The following RASSF5 variants were observed in gnomAD, a reference collection of about 807,000 sequenced individuals.
The protein encoded by RASSF5 is Ras association domain family member 5.
RASSF5 carries 25 observed loss-of-function variants against 40.5 expected under a neutral mutation model. The ratio of observed to expected loss-of-function variants is 0.62; its 90% CI spans 0.45 to 0.86. RASSF5 has a LOEUF of 0.86. RASSF5 is among the 40% of genes least tolerant of loss of function. The pLI is 0.00. For missense variants in RASSF5, 521 were observed against 572.8 expected (o/e 0.91, Z 0.92); for synonymous variants, 246 against 252.4 (o/e 0.97, Z 0.24).
chr1:206,511,071 A>G (rs763438902), intron 1 of RASSF5, among the ~76,000 whole-genome samples: 1 of 152,164 alleles, frequency 6.6e-6, no homozygotes, highest in East Asian at 1.9e-4. Flanking sequence ...TCTGTAACCA[A>G]CCTCTGGTTA....
chr1:206,516,685 C>G (rs989699774), intron 1 of RASSF5, among the ~76,000 whole-genome samples: 1 of 152,186 alleles, frequency 6.6e-6, no homozygotes, highest in African/African-American at 2.4e-5. Flanking sequence ...TCTCAATCTC[C>G]TGACCTTGTG....
Position 206,561,751 on chromosome 1 carries a change from T to C in RASSF5, c.580-21518T>C, listed in dbSNP as rs370835790. On this transcript the variant is annotated intron_variant, in intron 2 of 5. Coordinates refer to ENST00000579436, the MANE Select transcript of RASSF5 (RefSeq NM_182663.4). ...CGCGATCTCGGCTCACTGCAACCTC[T>C]GCCTCCCAGGTTCAAGCAATTCTCC... Among the ~76,000 whole-genome samples the C allele has an allele frequency of 3.1e-4, 47 of 149,406 alleles. 1 individual carries two copies. The East Asian group carries it at 7.1e-3, about 23-fold the overall frequency.
intron 1 of RASSF5, among the ~76,000 whole-genome samples, chr1:206,530,266 G>A (rs1667202573): frequency 6.6e-6 from 1 of 152,110 alleles, no homozygotes; most frequent in Admixed American, 6.5e-5. Context: ...TTATATCATT[G>A]AAATCATAAA....
intron 1 of RASSF5, among the ~76,000 whole-genome samples, chr1:206,537,653 T>C (rs1667450745): frequency 6.6e-6 from 1 of 152,212 alleles, no homozygotes; most frequent in Non-Finnish European, 1.5e-5. Context: ...CAGTGAGCAC[T>C]TCCTTAGAGT....
At chr1:206,549,021 G>A (rs1473868908) in intron 2 of RASSF5, among the ~76,000 whole-genome samples, 3 of 151,850 alleles carry the variant, frequency 2.0e-5, no homozygotes, top group Admixed American at 6.6e-5. Context: ...GCCTGCCAAC[G>A]CTCCCAGCTA....
Position 206,588,213 on chromosome 1 carries a change from A to G in RASSF5, c.*1235A>G, listed in dbSNP as rs1669204947. The G allele has an allele frequency of 6.5e-6, 1 of 152,814 alleles. No individual in the cohort carries two copies. Among genetic ancestry groups the G allele is most frequent in the South Asian group, 2.1e-4 (1 of 4,826 alleles). 9.5% of individuals were successfully genotyped at this position (152,814 alleles called of 1,614,324 possible). Reference sequence around the variant, plus strand: ...GGCTTCTCCTGCCAGGAAGTGAACAATGGCGGCGGTGTGGGAGACAAGGCC... The same window carrying G: ...GGCTTCTCCTGCCAGGAAGTGAACAGTGGCGGCGGTGTGGGAGACAAGGCC... On this transcript the variant is annotated 3_prime_UTR_variant, in exon 6 of 6. Coordinates refer to ENST00000579436, the MANE Select transcript of RASSF5 (RefSeq NM_182663.4).
At chr1:206,516,243 A>C (rs1201846636) in intron 1 of RASSF5, among the ~76,000 whole-genome samples, 1 of 152,200 alleles carries the variant, frequency 6.6e-6, no homozygotes, top group Non-Finnish European at 1.5e-5. Context: ...CCATCATTAC[A>C]GTAGAAAAAT....
chr1:206,585,556 A>C, intron 5 of RASSF5: 1 of 299,618 alleles, frequency 3.3e-6, no homozygotes. Context: ...TTATTTCTGA[A>C]AACTCAGGGA....
At chr1:206,557,140 G>A in intron 2 of RASSF5, 2 of 992,082 alleles carry the variant, frequency 2.0e-6, no homozygotes, top group Non-Finnish European at 2.4e-6. Flanking sequence ...CGGCTTTGAG[G>A]AACCTTGCAG....
At chr1:206,581,585 G>A (rs1668876174) in intron 2 of RASSF5, among the ~76,000 whole-genome samples, 1 of 150,850 alleles carries the variant, frequency 6.6e-6, no homozygotes, top group Admixed American at 6.6e-5. Flanking sequence ...GGTGACAGAG[G>A]GAGACGAAAG....
intron 2 of RASSF5, among the ~76,000 whole-genome samples, chr1:206,568,358 T>C (rs538041889): frequency 5.3e-5 from 8 of 152,140 alleles, no homozygotes; most frequent in Non-Finnish European, 1.0e-4. Context: ...TGTGGGCTGG[T>C]GAAGAGGCGC....
chr1:206,577,002 G>T (rs1333425122), intron 2 of RASSF5, among the ~76,000 whole-genome samples: 62 of 151,432 alleles, frequency 4.1e-4, no homozygotes, highest in South Asian at 4.2e-4. Flanking sequence ...GTAGAGACAG[G>T]GTCTCACTAT....
intron 1 of RASSF5, among the ~76,000 whole-genome samples, chr1:206,524,670 T>C (rs12730890): frequency 1.6e-5 from 1 of 60,890 alleles, no homozygotes; most frequent in Admixed American, 1.9e-4. Context: ...TAATATATAT[T>C]ATATATAATA....
intron 2 of RASSF5, chr1:206,544,504 G>A (rs1362375717): frequency 1.3e-5 from 2 of 152,174 alleles, no homozygotes; most frequent in African/African-American, 4.8e-5. Flanking sequence ...TATAAAACCA[G>A]GACTCTCTGG....
chr1:206,554,768 C>A (rs1269260160), intron 2 of RASSF5, among the ~76,000 whole-genome samples: 1 of 152,180 alleles, frequency 6.6e-6, no homozygotes, highest in Non-Finnish European at 1.5e-5. Flanking sequence ...CTTTGAGACC[C>A]TGGGGCTTCA....
chr1:206,532,775 A>T (rs1667275627), intron 1 of RASSF5, among the ~76,000 whole-genome samples: 1 of 151,856 alleles, frequency 6.6e-6, no homozygotes, highest in Non-Finnish European at 1.5e-5. Flanking sequence ...CCTTACCCAC[A>T]CCTTGGCCTG....
At chr1:206,542,728 CATTTCTCTTTAA>C (rs1553399559) in intron 2 of RASSF5, 1 of 152,196 alleles carries the variant, frequency 6.6e-6, no homozygotes. Context: ...ATTTACTTAA[CATTTCTCTTTAA>C]ATAGACTTAT....
intron 1 of RASSF5, among the ~76,000 whole-genome samples, chr1:206,509,726 CTT>C (rs11336770): frequency 1.6e-4 from 24 of 146,574 alleles, no homozygotes; most frequent in East Asian, 2.0e-4. Flanking sequence ...TTGTGATTTT[CTT>C]TTTTTTTTTT....
At chr1:206,518,863 C>T (rs1379100148) in intron 1 of RASSF5, among the ~76,000 whole-genome samples, 2 of 150,932 alleles carry the variant, frequency 1.3e-5, no homozygotes, top group Non-Finnish European at 3.0e-5. Flanking sequence ...CCTGAGCTGG[C>T]AGAATATGGG....
Sources: gnomAD v4.1 joint callset for allele counts (sites outside exome capture counted in the v4.1 genomes callset) on GRCh38, gnomAD v4.1.1 for gene constraint, MANE v1.5 for transcripts, NCBI Gene and HGNC (gene_info 2026-07-23, HGNC 2026-07-21) for gene names.